ARRDC3: variants seen among roughly 807,000 people sequenced by gnomAD.
ARRDC3 encodes arrestin domain-containing protein 3.
ARRDC3 carries 10 observed loss-of-function variants against 47.2 expected under a neutral mutation model. The observed-to-expected ratio is 0.21, with a 90% CI of 0.13 to 0.36. The LOEUF (loss-of-function observed/expected upper bound fraction) is 0.36, where lower values mean the gene tolerates loss of function less well. ARRDC3 is among the 10% of genes least tolerant of loss of function. The pLI, the probability that ARRDC3 is intolerant of heterozygous loss-of-function variation, is 1.00. For missense variants in ARRDC3, 381 were observed against 503.6 expected (o/e 0.76, Z 2.33); for synonymous variants, 156 against 178.3 (o/e 0.87, Z 1.00).
rs778088782 is a variant in ARRDC3 at position 91,383,081 on chromosome 5, T to C, written c.12A>G (p.Gly4=). 3.1e-6 allele frequency: 5 copies of C among 1,600,722 alleles called. No homozygotes were observed. The highest frequency in any genetic ancestry group is 3.4e-6 in the Non-Finnish European group (4 of 1,174,804). MVL[G]KVKSLTISFD... ...AGCTTATTGTCAAACTCTTCACCTTTCCCAGCACCATGTTTATAACAAAAT... is the reference window on the plus strand; with the variant it reads ...AGCTTATTGTCAAACTCTTCACCTTCCCCAGCACCATGTTTATAACAAAAT... The change falls in exon 1 of 8, where the codon GGA becomes GGG. Residue 4 remains glycine (G), a synonymous_variant. Transcript: ENST00000265138.
At chr5:91,373,649 C>G in intron 7 of ARRDC3, 35 bp downstream of exon 7, 1 of 1,558,984 alleles carries the variant, frequency 6.4e-7, no homozygotes, top group Non-Finnish European at 8.8e-7. Context: ...CCCAAGATAG[C>G]CAGTTCATTT....
At chr5:91,376,828 T>C in intron 2 of ARRDC3, 60 bp from the exon 3 acceptor site, 1 of 1,451,784 alleles carries the variant, frequency 6.9e-7, no homozygotes, top group South Asian at 1.3e-5. Context: ...AATTACACAG[T>C]AGGTCAGAAT....
chr5:91,369,909 A>G lies in ARRDC3; in HGVS notation c.*1491T>C, dbSNP rs557655439. Reference sequence around the variant, plus strand: ...CTGATGTGATTGTTCTTCCTATGTAATCTATACATAATCAAAGTGAGTGAT... The same window carrying G: ...CTGATGTGATTGTTCTTCCTATGTAGTCTATACATAATCAAAGTGAGTGAT... On this transcript the variant is annotated 3_prime_UTR_variant, in exon 8 of 8. Coordinates refer to ENST00000265138, the MANE Select transcript of ARRDC3 (RefSeq NM_020801.4). 6.6e-6 allele frequency: 1 copy of G among 152,314 alleles called. No homozygotes were observed. The highest frequency in any genetic ancestry group is 2.1e-4 in the South Asian group (1 of 4,826). 9.4% of individuals were successfully genotyped at this position (152,314 alleles called of 1,614,324 possible). A position where few individuals can be genotyped will look rare whatever the true frequency, so the allele number is the denominator to read the frequency against.
At chr5:91,380,845 G>A (rs558332817) in intron 1 of ARRDC3, 5 of 152,400 alleles carry the variant, frequency 3.3e-5, no homozygotes, top group Non-Finnish European at 7.3e-5. Context: ...CCTTTCGATG[G>A]CCCTTAGGAG....
intron 1 of ARRDC3, among the ~76,000 whole-genome samples, chr5:91,379,192 A>C (rs1032550416): frequency 6.6e-6 from 1 of 151,862 alleles, no homozygotes; most frequent in Non-Finnish European, 1.5e-5. Context: ...CTGTTCATGC[A>C]ACCCTCTTAA....
intron 7 of ARRDC3, among the ~76,000 whole-genome samples, chr5:91,372,833 A>G (rs1170919076): frequency 6.6e-6 from 1 of 152,210 alleles, no homozygotes; most frequent in Non-Finnish European, 1.5e-5. Context: ...AGCTGATTCT[A>G]GTAATTTACA....
chr5:91,383,149 T>A lies in ARRDC3; in HGVS notation c.-57A>T. On this transcript the variant is annotated 5_prime_UTR_variant, in exon 1 of 8. Transcript: ENST00000265138. ...AAGACAAAAAAGTCAAGATCGCATA[T>A]AAAATGTGATCTTCACTTAACACTG... The A allele has an allele frequency of 6.8e-7, 1 of 1,463,356 alleles. No homozygotes were observed. Among genetic ancestry groups the A allele is most frequent in the East Asian group, 2.3e-5 (1 of 43,496 alleles). The allele number at this position is 1,463,356 out of a possible 1,614,324, so 90.6% of individuals were successfully genotyped here. A position where few individuals can be genotyped will look rare whatever the true frequency, so the allele number is the denominator to read the frequency against.
intron 1 of ARRDC3, chr5:91,380,998 A>C (rs1214584190): frequency 6.6e-6 from 1 of 152,234 alleles, no homozygotes; most frequent in Non-Finnish European, 1.5e-5. Flanking sequence ...GCCTCGCCCC[A>C]GCCGCGGCGC....
At chr5:91,378,251 ATTTTT>A (rs1279808265) in intron 2 of ARRDC3, among the ~76,000 whole-genome samples, 2 of 152,100 alleles carry the variant, frequency 1.3e-5, no homozygotes, top group African/African-American at 4.8e-5. Context: ...ATTCCTAATT[ATTTTT>A]ATTTTCGAAA....
In ARRDC3 at chr5:91,371,120, G is replaced by A. The variant is rs561619317; in HGVS notation, c.*280C>T. ...GAAGGAAATCATCCCTCTTTACAAC[G>A]TGATGTCTTGACACGTACGACCATA... On this transcript the variant is annotated 3_prime_UTR_variant, in exon 8 of 8. Transcript: ENST00000265138. 1.8e-5 allele frequency: 6 copies of A among 339,570 alleles called. No individual in the cohort carries two copies. In the South Asian group the frequency reaches 2.9e-4, roughly 17 times the overall value. The allele number at this position is 339,570 out of a possible 1,614,324, so 21.0% of individuals were successfully genotyped here.
chr5:91,379,499 CAAT>C (rs1799389533), intron 1 of ARRDC3, among the ~76,000 whole-genome samples: 1 of 149,952 alleles, frequency 6.7e-6, no homozygotes, highest in African/African-American at 2.5e-5. Context: ...TATAAGGAAA[CAAT>C]ATTTTCCAAC....
rs1458203078 is a variant in ARRDC3, at chr5:91,370,428, G to A, written c.*972C>T. On this transcript the variant is annotated 3_prime_UTR_variant, in exon 8 of 8. Coordinates refer to ENST00000265138, the MANE Select transcript of ARRDC3 (RefSeq NM_020801.4). ...CATGATAAAAAGGGAATGTGGGTGT[G>A]TAACTTTTGTGTATGTCCCGTTTCC... is the stretch of plus-strand genomic sequence containing the variant. The A allele has an allele frequency of 6.6e-6, 1 of 152,556 alleles. No homozygotes were observed. The highest frequency in any genetic ancestry group is 1.5e-5 in the Non-Finnish European group (1 of 68,018). 9.5% of individuals were successfully genotyped at this position (152,556 alleles called of 1,614,324 possible).
In ARRDC3 at chr5:91,369,905, T is replaced by G. The variant is rs960100049; in HGVS notation, c.*1495A>C. ...CTTACTGATGTGATTGTTCTTCCTA[T>G]GTAATCTATACATAATCAAAGTGAG... On this transcript the variant is annotated 3_prime_UTR_variant, in exon 8 of 8. Coordinates refer to ENST00000265138, the MANE Select transcript of ARRDC3 (RefSeq NM_020801.4). The G allele has an allele frequency of 2.0e-5, 3 of 152,216 alleles. No homozygotes were observed. The highest frequency in any genetic ancestry group is 7.2e-5 in the African/African-American group (3 of 41,462). 9.4% of individuals were successfully genotyped at this position (152,216 alleles called of 1,614,324 possible). A position where few individuals can be genotyped will look rare whatever the true frequency, so the allele number is the denominator to read the frequency against.
At chr5:91,382,659 A>G (rs1367131477) in intron 1 of ARRDC3, among the ~76,000 whole-genome samples, 154 bp downstream of exon 1, 22 of 152,256 alleles carry the variant, frequency 1.4e-4, no homozygotes, top group Non-Finnish European at 2.9e-5. Flanking sequence ...TTAACACACG[A>G]TGAACGTCAA....
At chr5:91,373,929 G>A (rs1421879215) in intron 6 of ARRDC3, 91 bp from the exon 7 acceptor site, 27 of 1,537,900 alleles carry the variant, frequency 1.8e-5, no homozygotes, top group Non-Finnish European at 2.4e-5. Context: ...CAACGTCAAG[G>A]TAAAATAATT....
In ARRDC3 at chr5:91,378,795, A is replaced by C; in HGVS notation, c.281-20T>G. 1 of 1,503,904 alleles carries C rather than the reference A, an allele frequency of 6.6e-7. No homozygotes were observed. The highest frequency in any genetic ancestry group is 9.1e-7 in the Non-Finnish European group (1 of 1,101,000). The allele number at this position is 1,503,904 out of a possible 1,614,324, so 93.2% of individuals were successfully genotyped here. A position where few individuals can be genotyped will look rare whatever the true frequency, so the allele number is the denominator to read the frequency against. ...CATCATCTAAAACAAACATAAAAAG[A>C]AAACAAAGAATTTATTATTCAACAT... On this transcript the variant is annotated intron_variant, in intron 1 of 7. Transcript: ENST00000265138.
At position 91,383,292 on chromosome 5, in the gene ARRDC3, C is replaced by T. The variant is rs529879690; in HGVS notation, c.-200G>A. ...GAGGCTGCTGCTCCGCGCTCCCGCT[C>T]GTCTCAGTGGTCTCCTTACAAAGAC... On this transcript the variant is annotated 5_prime_UTR_variant, in exon 1 of 8. Coordinates refer to ENST00000265138, the MANE Select transcript of ARRDC3 (RefSeq NM_020801.4). 4 of 549,444 alleles carry T rather than the reference C, an allele frequency of 7.3e-6. No homozygotes were observed. The highest frequency in any genetic ancestry group is 1.9e-5 in the African/African-American group (1 of 51,812). 34.0% of individuals were successfully genotyped at this position (549,444 alleles called of 1,614,324 possible). A position where few individuals can be genotyped will look rare whatever the true frequency, so the allele number is the denominator to read the frequency against.
At chr5:91,372,500 A>G (rs1799200142) in intron 7 of ARRDC3, among the ~76,000 whole-genome samples, 1 of 152,202 alleles carries the variant, frequency 6.6e-6, no homozygotes, top group Non-Finnish European at 1.5e-5. Flanking sequence ...GAAATGACTG[A>G]CTTAATAAGC....
chr5:91,382,995 C>G lies in ARRDC3; in HGVS notation c.98G>C (p.Arg33Thr), dbSNP rs765098224. 1.2e-6 allele frequency: 2 copies of G among 1,614,076 alleles called. No individual in the cohort carries two copies. The highest frequency in any genetic ancestry group is 1.7e-6 in the Non-Finnish European group (2 of 1,179,992). ...VYSSGDTVSG[R>T]VNLEVTGEIR... ...TTCCCCAGTAACTTCTAAATTTACC[C>G]TTCCTGAGACGGTATCCCCACTAGA... The change falls in exon 1 of 8, where the codon AGG becomes ACG. Residue 33 changes from arginine (R) to threonine (T), a missense_variant. Transcript: ENST00000265138.
Sources: gnomAD v4.1 joint callset for allele counts (sites outside exome capture counted in the v4.1 genomes callset) on GRCh38, gnomAD v4.1.1 for gene constraint, MANE v1.5 for transcripts, NCBI Gene and HGNC (gene_info 2026-07-23, HGNC 2026-07-21) for gene names.